The following GNAS variants were observed in gnomAD, a reference collection of about 807,000 sequenced individuals.
GNAS encodes protein ALEX.
In GNAS, 8 loss-of-function variants were observed where a neutral mutation model predicts 54.5. The ratio of observed to expected loss-of-function variants is 0.15; its 90% CI spans 0.09 to 0.26. The LOEUF is 0.26. Ranked by LOEUF, GNAS falls within the 10% of genes least tolerant of loss-of-function variation. GNAS has a pLI of 1.00. For synonymous variants in GNAS, 204 were observed against 191.4 expected, an observed-to-expected ratio of 1.07 and a Z score of -0.54; for missense variants, 170 against 529.8, an observed-to-expected ratio of 0.32 and a Z score of 6.67.
chr20:58,896,042 A>C (rs1329070608), intron 2 of GNAS, among the ~76,000 whole-genome samples: 1 of 152,158 alleles, frequency 6.6e-6, no homozygotes, highest in South Asian at 2.1e-4. Context: ...AGTGTCTTCA[A>C]CGTGGCTTTG....
At position 58,905,465 on chromosome 20, in the gene GNAS, T is replaced by C; in HGVS notation, c.515T>C (p.Ile172Thr). The change falls in exon 6 of 13, where the codon ATT (isoleucine) becomes ACT (threonine). Residue 172 changes from isoleucine (I) to threonine (T), a missense_variant. Physicochemically the swap from Ile to Thr is moderately conservative, Grantham distance 89. This residue lies in a region of GNAS where 78 missense variants were observed against 251.1 expected (regional missense o/e 0.31). Coordinates refer to ENST00000371085, the MANE Select transcript of GNAS (RefSeq NM_000516.7). ...CYERSNEYQL[I>T]DCAQYFLDKI... ...GAACGCTCCAACGAGTACCAGCTGA[T>C]TGACTGTGCCCAGTAGTAAGTAACC... 6.3e-7 allele frequency: 1 copy of C among 1,590,462 alleles called. No individual in the cohort carries two copies. Among genetic ancestry groups the C allele is most frequent in the Non-Finnish European group, 8.6e-7 (1 of 1,158,262 alleles).
upstream of GNAS, among the ~76,000 whole-genome samples, chr20:58,890,285 CGAG>C (rs2089044841): frequency 6.6e-6 from 1 of 150,652 alleles, no homozygotes; most frequent in Non-Finnish European, 1.5e-5. Context: ...CCGACGACGA[CGAG>C]GGCGCCGAGG....
At chr20:58,852,216 T>C (rs901046933) in intron 1 of GNAS, among the ~76,000 whole-genome samples, 2 of 151,998 alleles carry the variant, frequency 1.3e-5, no homozygotes, top group Non-Finnish European at 2.9e-5. Flanking sequence ...AGCACCCTGC[T>C]TGCGCCGCTG....
At chr20:58,889,264 C>A, upstream of GNAS, 1 of 1,056,536 alleles carries the variant, frequency 9.5e-7, no homozygotes, top group Non-Finnish European at 1.1e-6. Context: ...GGCTGCGGCG[C>A]GGCGGCTGGA....
Position 58,891,553 on chromosome 20 carries a change from CCGCGCGCCCCGCGG to C in GNAS, c.-172_-159del. On this transcript the variant is annotated 5_prime_UTR_variant, in exon 1 of 13. Coordinates refer to ENST00000371085, the MANE Select transcript of GNAS (RefSeq NM_000516.7). ...CCGACACCCTCCCCTTCCCGCCCGT[CCGCGCGCCCCGCGG>C]CCCGCGGCCCGCAGTCCGCCCCGCG... 3.1e-6 allele frequency: 3 copies of C among 974,252 alleles called. No homozygotes were observed. Among genetic ancestry groups the C allele is most frequent in the Non-Finnish European group, 3.6e-6 (3 of 823,378 alleles). 60.4% of individuals were successfully genotyped at this position (974,252 alleles called of 1,614,324 possible). A position where few individuals can be genotyped will look rare whatever the true frequency, so the allele number is the denominator to read the frequency against.
chr20:58,894,371 T>A (rs1362301596), intron 1 of GNAS, among the ~76,000 whole-genome samples: 1 of 152,258 alleles, frequency 6.6e-6, no homozygotes, highest in African/African-American at 2.4e-5. Context: ...ATTAAGATAG[T>A]GTTTGCTTTG....
In GNAS at chr20:58,857,966, T is replaced by C. The variant is rs1296967538; in HGVS notation, c.43+17080T>C. On this transcript the variant is annotated intron_variant, in intron 1 of 12. Transcript: ENST00000306090. The surrounding 1 kb of genome is among the most constrained non-coding windows in gnomAD (Gnocchi z 4.1). ...GGCAAACCATGGGCCATGTCTAACA[T>C]AAGCCTGAAATATGATAGCCAGTGT... 1.3e-5 allele frequency among the ~76,000 whole-genome samples: 2 copies of C among 152,196 alleles called. No individual in the cohort carries two copies. The highest frequency in any genetic ancestry group is 2.4e-5 in the African/African-American group (1 of 41,442).
upstream of GNAS, among the ~76,000 whole-genome samples, chr20:58,890,159 G>T (rs1393463281): frequency 6.6e-6 from 1 of 151,868 alleles, no homozygotes; most frequent in Non-Finnish European, 1.5e-5. Context: ...AGGAGGAGAA[G>T]AAGAAGGAGA....
chr20:58,890,954 C>T (rs1015885134), upstream of GNAS, among the ~76,000 whole-genome samples: 2 of 151,620 alleles, frequency 1.3e-5, no homozygotes, highest in Non-Finnish European at 2.9e-5. Context: ...CGCGCTCCCT[C>T]CCCTTCCGCC....
At chr20:58,887,170 T>C (rs2088648692), upstream of GNAS, among the ~76,000 whole-genome samples, 1 of 152,230 alleles carries the variant, frequency 6.6e-6, no homozygotes, top group Admixed American at 6.5e-5. Context: ...TTGTATAACT[T>C]TGTAGCTCCT....
chr20:58,863,194 A>C lies in GNAS; in HGVS notation c.43+22308A>C, dbSNP rs1404846108. ...TAGAATCAGTGGAGCGCTTTTCTAC[A>C]TGCAACAACTGGGAGCTATGCTATG... is the stretch of plus-strand genomic sequence containing the variant. On this transcript the variant is annotated intron_variant, in intron 1 of 12. Transcript: ENST00000306090. This position sits in a 1 kb window ranked among gnomAD's most constrained non-coding sequence, Gnocchi z 4.1. Among the ~76,000 whole-genome samples the C allele has an allele frequency of 6.6e-6, 1 of 152,218 alleles. No individual in the cohort carries two copies. The highest frequency in any genetic ancestry group is 6.5e-5 in the Admixed American group (1 of 15,282).
chr20:58,909,219 G>T lies in GNAS; in HGVS notation c.585+3G>T, dbSNP rs79863120. 6.2e-7 allele frequency: 1 copy of T among 1,612,996 alleles called. No homozygotes were observed. The highest frequency in any genetic ancestry group is 1.7e-5 in the Admixed American group (1 of 60,024). ...CTGACTATGTGCCGAGCGATCAGGT[G>T]TGCAAAACCCCTCCCCACCAGAGGA... On this transcript the variant is annotated splice_donor_region_variant and intron_variant, in intron 7 of 12. Coordinates refer to ENST00000371085, the MANE Select transcript of GNAS (RefSeq NM_000516.7). The surrounding 1 kb of genome is among the most constrained non-coding windows in gnomAD (Gnocchi z 7.3).
intron 6 of GNAS, among the ~76,000 whole-genome samples, chr20:58,907,442 G>A (rs1301471107): frequency 1.3e-5 from 2 of 152,170 alleles, no homozygotes; most frequent in Non-Finnish European, 2.9e-5. Flanking sequence ...GGAAATCCTG[G>A]AATTGTTTGC....
In GNAS at chr20:58,910,992, T is replaced by C; in HGVS notation, c.*163T>C. ...AACCCCCTTTTCCCTTCAGCTTGCTTAGATGTTCCAAATTTAGAAAGCTTA... is the reference window on the plus strand; with the variant it reads ...AACCCCCTTTTCCCTTCAGCTTGCTCAGATGTTCCAAATTTAGAAAGCTTA... On this transcript the variant is annotated 3_prime_UTR_variant, in exon 13 of 13. Transcript: ENST00000371085. The surrounding 1 kb of genome is among the most constrained non-coding windows in gnomAD (Gnocchi z 5.8). 1.3e-6 allele frequency: 1 copy of C among 743,368 alleles called. No individual in the cohort carries two copies. The highest frequency in any genetic ancestry group is 2.4e-6 in the Non-Finnish European group (1 of 425,356). The allele number at this position is 743,368 out of a possible 1,614,324, so 46.0% of individuals were successfully genotyped here.
At chr20:58,866,172 C>T (rs937020298) in intron 1 of GNAS, among the ~76,000 whole-genome samples, 2 of 152,134 alleles carry the variant, frequency 1.3e-5, no homozygotes, top group Non-Finnish European at 1.5e-5. Flanking sequence ...GTGTGTGGGC[C>T]CCAGTTGCTG....
chr20:58,911,095 G>GCAAA lies in GNAS; in HGVS notation c.*271_*274dup. 1.6e-6 allele frequency: 1 copy of GCAAA among 610,994 alleles called. No homozygotes were observed. Among genetic ancestry groups the GCAAA allele is most frequent in the South Asian group, 1.6e-5 (1 of 62,438 alleles). The allele number at this position is 610,994 out of a possible 1,614,324, so 37.8% of individuals were successfully genotyped here. On this transcript the variant is annotated 3_prime_UTR_variant, in exon 13 of 13. Coordinates refer to ENST00000371085, the MANE Select transcript of GNAS (RefSeq NM_000516.7). ...AGTAAAAATAAATAAAACAGCAGCA[G>GCAAA]CAAACAAATAAAATGAAATAAAAGA... is the stretch of plus-strand genomic sequence containing the variant.
At chr20:58,875,809 C>T (rs2087773530) in intron 1 of GNAS, among the ~76,000 whole-genome samples, 2 of 152,184 alleles carry the variant, frequency 1.3e-5, no homozygotes, top group Admixed American at 6.5e-5. Flanking sequence ...GGCTATGACA[C>T]ATACAACAGT....
chr20:58,889,805 G>A (rs2088957391), upstream of GNAS, among the ~76,000 whole-genome samples: 1 of 151,236 alleles, frequency 6.6e-6, no homozygotes, highest in South Asian at 2.1e-4. Flanking sequence ...CACGGGGGCC[G>A]GGCAGCCCGA....
At chr20:58,862,436 G>A (rs1400916858) in intron 1 of GNAS, among the ~76,000 whole-genome samples, 1 of 152,058 alleles carries the variant, frequency 6.6e-6, no homozygotes, top group Non-Finnish European at 1.5e-5. Context: ...TGAGATTACA[G>A]GTGTGAGCCA....
Sources: gnomAD v4.1 joint callset for allele counts (sites outside exome capture counted in the v4.1 genomes callset) on GRCh38, gnomAD v4.1.1 for gene constraint, gnomAD v4.1.1 regional missense constraint, Gnocchi (gnomAD v3.1) non-coding constraint, MANE v1.5 for transcripts, NCBI Gene and HGNC (gene_info 2026-07-23, HGNC 2026-07-21) for gene names.